The following ZNF407 variants were observed in gnomAD, a reference collection of about 807,000 sequenced individuals.
ZNF407 encodes zinc finger protein 407.
Under a neutral mutation model 131.2 loss-of-function variants are expected in ZNF407, and 17 were observed. The observed-to-expected ratio is 0.13, with a 90% CI of 0.09 to 0.19. The LOEUF is 0.19. Among genes scored for constraint, ZNF407 ranks in the 10% least tolerant of loss-of-function variants. The pLI is 1.00. For missense variants in ZNF407, 2,681 were observed against 2,830.6 expected (o/e 0.95, Z 1.20); for synonymous variants, 1,156 against 1,062.0 (o/e 1.09, Z -1.72).
At chr18:74,602,234 C>T (rs1046311453) in intron 1 of ZNF407, among the ~76,000 whole-genome samples, 3 of 152,130 alleles carry the variant, frequency 2.0e-5, no homozygotes, top group East Asian at 1.9e-4. Flanking sequence ...TACAGCCTCC[C>T]TAAATAAAGT....
At chr18:74,934,299 A>AT (rs201160495) in intron 8 of ZNF407, among the ~76,000 whole-genome samples, 2 of 151,964 alleles carry the variant, frequency 1.3e-5, no homozygotes, top group East Asian at 1.9e-4. Context: ...TATAAATTTT[A>AT]TTTTTTTTCT....
intron 8 of ZNF407, among the ~76,000 whole-genome samples, chr18:75,015,273 C>T (rs551592345): frequency 6.6e-6 from 1 of 151,790 alleles, no homozygotes; most frequent in Middle Eastern, 3.2e-3. Context: ...TAAGTCTGTA[C>T]CATGTGTAAA....
intron 8 of ZNF407, among the ~76,000 whole-genome samples, chr18:75,033,459 C>T (rs1157949199): frequency 1.3e-5 from 2 of 152,028 alleles, no homozygotes; most frequent in African/African-American, 2.4e-5. Flanking sequence ...GAATTTGTAC[C>T]CTTTAGTACA....
At chr18:74,757,551 G>A (rs1968991838) in intron 3 of ZNF407, among the ~76,000 whole-genome samples, 1 of 152,178 alleles carries the variant, frequency 6.6e-6, no homozygotes, top group Non-Finnish European at 1.5e-5. Flanking sequence ...TAGATGTCCT[G>A]ATGCTTATTT....
chr18:74,989,142 G>T (rs1422427030), intron 8 of ZNF407, among the ~76,000 whole-genome samples: 1 of 152,166 alleles, frequency 6.6e-6, no homozygotes, highest in Non-Finnish European at 1.5e-5. Context: ...TAAGAAAAAG[G>T]CCTGAACTAA....
intron 3 of ZNF407, among the ~76,000 whole-genome samples, chr18:74,758,929 T>G (rs1380823523): frequency 1.3e-5 from 2 of 152,208 alleles, no homozygotes; most frequent in Non-Finnish European, 2.9e-5. Context: ...TTACCTTTAC[T>G]GGTCCTTCAT....
chr18:74,804,704 C>G, intron 4 of ZNF407: 1 of 710,736 alleles, frequency 1.4e-6, no homozygotes, highest in Non-Finnish European at 1.7e-6. Context: ...TGTACCACAA[C>G]CTACCATGAT....
chr18:74,681,487 C>G (rs1001415736), intron 3 of ZNF407, among the ~76,000 whole-genome samples: 1 of 152,158 alleles, frequency 6.6e-6, no homozygotes, highest in African/African-American at 2.4e-5. Context: ...AAGTGATCCT[C>G]CCACCTTGGC....
chr18:74,994,063 A>G (rs1348307782), intron 8 of ZNF407, among the ~76,000 whole-genome samples: 3 of 152,230 alleles, frequency 2.0e-5, no homozygotes, highest in Non-Finnish European at 2.9e-5. Context: ...TTGTTGGAAC[A>G]TCTAATGAAA....
intron 8 of ZNF407, among the ~76,000 whole-genome samples, chr18:74,975,640 AC>A (rs1265445559): frequency 1.3e-5 from 2 of 152,200 alleles, no homozygotes; most frequent in East Asian, 3.8e-4. Flanking sequence ...CATAGAGACC[AC>A]CATTTCTCTA....
intron 7 of ZNF407, among the ~76,000 whole-genome samples, chr18:74,891,672 G>A (rs1383661549): frequency 6.6e-6 from 1 of 152,106 alleles, no homozygotes; most frequent in African/African-American, 2.4e-5. Context: ...GAAATTCTAT[G>A]GTGCTCATAA....
intron 3 of ZNF407, among the ~76,000 whole-genome samples, chr18:74,697,583 G>C (rs1967388946): frequency 6.6e-6 from 1 of 151,984 alleles, no homozygotes; most frequent in South Asian, 2.1e-4. Flanking sequence ...AGATCATAGA[G>C]AAATCATATA....
intron 3 of ZNF407, among the ~76,000 whole-genome samples, chr18:74,718,471 C>A (rs1967950712): frequency 1.3e-5 from 2 of 151,920 alleles, no homozygotes; most frequent in African/African-American, 4.8e-5. Context: ...TTGCAGTGAG[C>A]TGTGATCATG....
chr18:74,770,678 A>G (rs9954896), intron 3 of ZNF407, among the ~76,000 whole-genome samples: 100,664 of 152,028 alleles, frequency 0.66, 35,131 homozygotes, highest in East Asian at 0.95. Flanking sequence ...AAGCAGTACA[A>G]CCTTGCTGAA....
At chr18:74,943,925 A>C (rs1972127599) in intron 8 of ZNF407, among the ~76,000 whole-genome samples, 1 of 152,198 alleles carries the variant, frequency 6.6e-6, no homozygotes, top group Non-Finnish European at 1.5e-5. Context: ...GAATTTCTAC[A>C]AATTATGCTA....
At chr18:74,988,313 A>G (rs1395644310) in intron 8 of ZNF407, among the ~76,000 whole-genome samples, 4 of 152,172 alleles carry the variant, frequency 2.6e-5, no homozygotes, top group African/African-American at 7.2e-5. Context: ...GGAACAAAAC[A>G]TAGGAGAAAA....
intron 8 of ZNF407, among the ~76,000 whole-genome samples, chr18:75,053,323 T>C (rs1271428377): frequency 6.6e-6 from 1 of 152,110 alleles, no homozygotes; most frequent in African/African-American, 2.4e-5. Flanking sequence ...TCAATATTCA[T>C]TTGGATTGTG....
At chr18:74,932,952 A>G (rs1331914407) in intron 8 of ZNF407, among the ~76,000 whole-genome samples, 1 of 152,224 alleles carries the variant, frequency 6.6e-6, no homozygotes, top group Non-Finnish European at 1.5e-5. Context: ...AAGCGAATGT[A>G]CAATAGTGCA....
chr18:74,874,043 A>G (rs1379476465), intron 4 of ZNF407, among the ~76,000 whole-genome samples: 1 of 152,116 alleles, frequency 6.6e-6, no homozygotes, highest in African/African-American at 2.4e-5. Flanking sequence ...GAAGATAAGA[A>G]ATTGCCCTTT....
Sources: allele counts gnomAD v4.1 joint callset (sites outside exome capture counted in the v4.1 genomes callset), GRCh38; gene constraint gnomAD v4.1.1; transcripts MANE v1.5; gene names NCBI Gene and HGNC (gene_info 2026-07-23, HGNC 2026-07-21).